SURF1: variants seen among roughly 807,000 people sequenced by gnomAD.
SURF1 encodes SURF1 cytochrome c oxidase assembly factor.
A neutral mutation model predicts 34.1 loss-of-function variants in SURF1; 45 were observed. The ratio of observed to expected loss-of-function variants is 1.32; its 90% CI spans 1.04 to 1.69. SURF1 has a LOEUF of 1.69. SURF1 is among the 40% of genes most tolerant of loss of function. The pLI is 0.00. For synonymous variants in SURF1, 188 were observed against 147.5 expected (o/e 1.27, Z -1.99); for missense variants, 456 against 384.6 (o/e 1.19, Z -1.55).
In SURF1 at chr9:133,356,252, C is replaced by T; in HGVS notation, c.106+17G>A. The T allele has an allele frequency of 1.3e-6, 2 of 1,533,642 alleles. No homozygotes were observed. Among genetic ancestry groups the T allele is most frequent in the East Asian group, 2.4e-5 (1 of 40,866 alleles). ...CTGCCCAGGCGCCTGGATCACAGCC[C>T]GGCCTGCAGCCCTCACCTGGGCGCG... is the stretch of plus-strand genomic sequence containing the variant. On this transcript the variant is annotated intron_variant, in intron 2 of 8. Transcript: ENST00000371974.
At chr9:133,353,017 GCTT>G (rs1302073360) in intron 5 of SURF1, among the ~76,000 whole-genome samples, 2 of 152,168 alleles carry the variant, frequency 1.3e-5, no homozygotes, top group East Asian at 3.8e-4. Flanking sequence ...TTCTATCTCT[GCTT>G]CTTGTGGTCT....
chr9:133,352,225 G>T, intron 7 of SURF1, 83 bp from the exon 8 acceptor site: 2 of 1,454,094 alleles, frequency 1.4e-6, no homozygotes, highest in Non-Finnish European at 1.9e-6. Flanking sequence ...ATTTTTGCGT[G>T]GCCAGTTGGA....
chr9:133,353,826 G>C lies in SURF1; in HGVS notation c.438C>G (p.Ala146=). The change falls in exon 5 of 9, where the codon GCC becomes GCG. Residue 146 remains alanine (A), a synonymous_variant. Transcript: ENST00000371974. ...AGGAGGAGATGAGGCCGCCCTCCCG[G>C]GCCTCCCGGACAGGGTCCACCATGG... The part of the protein sequence containing the change: ...PRTMVDPVRE[A]REGGLISSST... 1.2e-6 allele frequency: 2 copies of C among 1,613,780 alleles called. No individual in the cohort carries two copies. The highest frequency in any genetic ancestry group is 1.7e-6 in the Non-Finnish European group (2 of 1,180,018).
At chr9:133,355,329 C>A (rs1023097889) in intron 2 of SURF1, among the ~76,000 whole-genome samples, 3 of 152,180 alleles carry the variant, frequency 2.0e-5, no homozygotes, top group African/African-American at 7.2e-5. Flanking sequence ...GCCTGTAATC[C>A]CAGCACTTTG....
chr9:133,356,454 C>G lies in SURF1; in HGVS notation c.-1G>C, dbSNP rs1407951249. The G allele has an allele frequency of 2.1e-6, 3 of 1,421,606 alleles. No homozygotes were observed. The South Asian group carries it at 4.3e-5, about 20-fold the overall frequency. The allele number at this position is 1,421,606 out of a possible 1,614,324, so 88.1% of individuals were successfully genotyped here. On this transcript the variant is annotated 5_prime_UTR_variant, in exon 1 of 9. Coordinates refer to ENST00000371974, the MANE Select transcript of SURF1 (RefSeq NM_003172.4). ...GCTGCAACGCAGCCACCGCCGCCAT[C>G]GCACCCGGCCCCGCGGGCGCTTCCG...
At chr9:133,355,056 C>T in intron 2 of SURF1, 99 bp from the exon 3 acceptor site, 1 of 1,551,596 alleles carries the variant, frequency 6.4e-7, no homozygotes, top group Non-Finnish European at 8.8e-7. Context: ...CAATCAAAAC[C>T]TGCTGCCTAG....
intron 5 of SURF1, 88 bp from the exon 6 acceptor site, chr9:133,352,854 C>G: frequency 1.7e-5 from 23 of 1,392,462 alleles, no homozygotes; most frequent in Non-Finnish European, 2.3e-5. Context: ...ATAGGAACAA[C>G]TAGAGCACCA....
chr9:133,353,092 C>T (rs1413013984), intron 5 of SURF1, among the ~76,000 whole-genome samples: 1 of 152,220 alleles, frequency 6.6e-6, no homozygotes. Context: ...CCCCACACCT[C>T]TCCCCTGAAC....
At position 133,351,987 on chromosome 9, in the gene SURF1, G is replaced by A. The variant is rs2130003392; in HGVS notation, c.834-5C>T. On this transcript the variant is annotated splice_region_variant and splice_polypyrimidine_tract_variant and intron_variant, in intron 8 of 8. Coordinates refer to ENST00000371974, the MANE Select transcript of SURF1 (RefSeq NM_003172.4). ...GTAGCTGCAGAGAGTCCATACCTAG[G>A]GGTTGAAAGCAAGCCAGCATTAGCA... 2.7e-5 allele frequency: 43 copies of A among 1,613,696 alleles called. No individual in the cohort carries two copies. Among genetic ancestry groups the A allele is most frequent in the Non-Finnish European group, 3.6e-5 (42 of 1,179,932 alleles).
intron 7 of SURF1, 103 bp downstream of exon 7, chr9:133,352,343 T>C: frequency 1.9e-6 from 3 of 1,577,516 alleles, no homozygotes; most frequent in Non-Finnish European, 2.6e-6. Flanking sequence ...CATATACACA[T>C]GTGAGAACAT....
At position 133,354,929 on chromosome 9, in the gene SURF1, G is replaced by T; in HGVS notation, c.135C>A (p.Gly45=). ...TGGCAGATGCTTCTGCTGCAGAACT[G>T]CCACATCTGCTTGGCCTCCAGGCCA... The part of the protein sequence containing the change: ...PGVAWRPSRC[G]SSAAEASATK... Residue 45 remains glycine (G), a synonymous_variant, in exon 3 of 9, where the codon GGC becomes GGA. Transcript: ENST00000371974. 6.2e-7 allele frequency: 1 copy of T among 1,613,644 alleles called. No homozygotes were observed. The highest frequency in any genetic ancestry group is 8.5e-7 in the Non-Finnish European group (1 of 1,180,024).
rs1836500285 is a variant in SURF1 at position 133,353,850 on chromosome 9, G to A, written c.414C>T (p.Thr138=). 2 of 1,613,756 alleles carry A rather than the reference G, an allele frequency of 1.2e-6. No individual in the cohort carries two copies. The highest frequency in any genetic ancestry group is 1.7e-6 in the Non-Finnish European group (2 of 1,180,048). ...GGGCCTCCCGGACAGGGTCCACCAT[G>A]GTCCGGGGCATCATATACAGCTCCT... is the stretch of plus-strand genomic sequence containing the variant. ...HSKELYMMPR[T]MVDPVREARE... is the part of the protein sequence containing the mutation. Residue 138 remains threonine, a synonymous_variant, in exon 5 of 9, where the codon ACC becomes ACT. Coordinates refer to ENST00000371974, the MANE Select transcript of SURF1 (RefSeq NM_003172.4).
At chr9:133,352,802 G>A in intron 5 of SURF1, 36 bp from the exon 6 acceptor site, 1 of 1,588,308 alleles carries the variant, frequency 6.3e-7, no homozygotes. Flanking sequence ...GGTGGGGAGG[G>A]TTTTTGACTA....
rs1266132523 is a variant in SURF1, at chr9:133,356,442, C to T, written c.12G>A (p.Val4=). Residue 4 remains valine, a synonymous_variant, in exon 1 of 9, where the codon GTG becomes GTA. Coordinates refer to ENST00000371974, the MANE Select transcript of SURF1 (RefSeq NM_003172.4). The part of the protein sequence containing the change: MAA[V]AALQLGLRAA... ...CCCGCAGCCCCAGCTGCAACGCAGCCACCGCCGCCATCGCACCCGGCCCCG... is the reference window on the plus strand; with the variant it reads ...CCCGCAGCCCCAGCTGCAACGCAGCTACCGCCGCCATCGCACCCGGCCCCG... 1 of 1,417,874 alleles carries T rather than the reference C, an allele frequency of 7.1e-7. No individual in the cohort carries two copies. The highest frequency in any genetic ancestry group is 9.2e-7 in the Non-Finnish European group (1 of 1,087,848). The allele number at this position is 1,417,874 out of a possible 1,614,324, so 87.8% of individuals were successfully genotyped here. A position where few individuals can be genotyped will look rare whatever the true frequency, so the allele number is the denominator to read the frequency against.
Position 133,352,747 on chromosome 9 carries a change from T to C in SURF1, c.535A>G (p.Arg179Gly). Reference sequence around the variant, plus strand: ...ACTTTCTTCCTGGGAACGAACCCTCTATTTACCAGGATGGTGACTCTAGGG... The same window carrying C: ...ACTTTCTTCCTGGGAACGAACCCTCCATTTACCAGGATGGTGACTCTAGGG... Reference protein sequence around the residue: ...TDLGVTILVNRGFVPRKKVNP... With the variant: ...TDLGVTILVNGGFVPRKKVNP... The change falls in exon 6 of 9, where the codon AGA (arginine) becomes GGA (glycine). Residue 179 changes from arginine (R) to glycine (G), a missense_variant. Arg to Gly is a moderately radical substitution (Grantham distance 125). Coordinates refer to ENST00000371974, the MANE Select transcript of SURF1 (RefSeq NM_003172.4). The C allele has an allele frequency of 6.2e-7, 1 of 1,612,210 alleles. No homozygotes were observed. The highest frequency in any genetic ancestry group is 8.5e-7 in the Non-Finnish European group (1 of 1,179,472).
At chr9:133,355,065 AG>A in intron 2 of SURF1, 108 bp from the exon 3 acceptor site, 1 of 1,442,330 alleles carries the variant, frequency 6.9e-7, no homozygotes, top group Non-Finnish European at 9.6e-7. Flanking sequence ...CCTGCTGCCT[AG>A]AGCCAACTAG....
At chr9:133,355,247 C>G (rs1836543249) in intron 2 of SURF1, among the ~76,000 whole-genome samples, 3 of 152,194 alleles carry the variant, frequency 2.0e-5, no homozygotes, top group Admixed American at 2.0e-4. Flanking sequence ...TTCCACTGCA[C>G]TAAGATGCAC....
At chr9:133,352,663 C>CT in intron 6 of SURF1, 31 bp downstream of exon 6, 1 of 1,613,836 alleles carries the variant, frequency 6.2e-7, no homozygotes, top group African/African-American at 1.3e-5. Flanking sequence ...CCAGAGCCTT[C>CT]TCTAAAGTAG....
chr9:133,353,062 C>T (rs1836477383), intron 5 of SURF1, among the ~76,000 whole-genome samples: 1 of 152,214 alleles, frequency 6.6e-6, no homozygotes, highest in Non-Finnish European at 1.5e-5. Context: ...GTGAGCAACG[C>T]TGCCACGCCA....
Sources: gnomAD v4.1 joint callset for allele counts (sites outside exome capture counted in the v4.1 genomes callset) on GRCh38, gnomAD v4.1.1 for gene constraint, MANE v1.5 for transcripts, NCBI Gene and HGNC (gene_info 2026-07-23, HGNC 2026-07-21) for gene names.